NHSL1: variants seen among roughly 807,000 people sequenced by gnomAD.
NHSL1 encodes NHS like 1, also known as NHS-like protein 1.
NHSL1 carries 48 observed loss-of-function variants against 95.0 expected under a neutral mutation model. That is an observed-to-expected ratio of 0.51 (90% CI 0.40 to 0.64). NHSL1 has a LOEUF of 0.64. Ranked by LOEUF, NHSL1 falls within the 30% of genes least tolerant of loss-of-function variation. The probability of loss-of-function intolerance (pLI) is 0.00; values close to 1 mark genes in which losing one functional copy is unlikely to be tolerated. For synonymous variants in NHSL1, 783 were observed against 833.9 expected (o/e 0.94, Z 1.05); for missense variants, 1,971 against 2,077.7 (o/e 0.95, Z 1.00).
chr6:138,660,106 C>T (rs187370416), intron 1 of NHSL1, among the ~76,000 whole-genome samples: 21 of 152,330 alleles, frequency 1.4e-4, no homozygotes, highest in Admixed American at 9.2e-4. Context: ...TGATTCAAAA[C>T]ACTGCATCTC....
intron 1 of NHSL1, among the ~76,000 whole-genome samples, chr6:138,639,105 T>C (rs1039675128): frequency 4.6e-5 from 7 of 152,234 alleles, no homozygotes; most frequent in Admixed American, 4.6e-4. Flanking sequence ...ACAAAATCCA[T>C]AGTATTAGGA....
At chr6:138,641,577 C>G (rs966113968) in intron 1 of NHSL1, among the ~76,000 whole-genome samples, 3 of 143,848 alleles carry the variant, frequency 2.1e-5, no homozygotes, top group Non-Finnish European at 3.0e-5. Context: ...GAGCTGAGAT[C>G]GTGCCACCGC....
chr6:138,654,824 A>C (rs1204899351), intron 1 of NHSL1, among the ~76,000 whole-genome samples: 4 of 152,232 alleles, frequency 2.6e-5, no homozygotes, highest in African/African-American at 4.8e-5. Flanking sequence ...GAGGTGGGGA[A>C]AAGCCAGTTG....
intron 1 of NHSL1, among the ~76,000 whole-genome samples, chr6:138,550,971 C>T (rs374010039): frequency 2.2e-4 from 33 of 152,160 alleles, no homozygotes; most frequent in Non-Finnish European, 3.8e-4. Flanking sequence ...CTCTCTTATC[C>T]GAGGTTTTGC....
intron 3 of NHSL1, among the ~76,000 whole-genome samples, chr6:138,454,206 T>C (rs1460977488): frequency 1.3e-5 from 2 of 152,240 alleles, no homozygotes; most frequent in South Asian, 2.1e-4. Context: ...TGTGTGTGCG[T>C]GCGTGCATAA....
Position 138,429,843 on chromosome 6 carries a change from G to A in NHSL1, c.3953C>T (p.Ala1318Val). The A allele has an allele frequency of 6.5e-7, 1 of 1,550,290 alleles. No homozygotes were observed. Among genetic ancestry groups the A allele is most frequent in the Non-Finnish European group, 8.7e-7 (1 of 1,146,544 alleles). The change falls in exon 7 of 8, where the codon GCT becomes GTT. Residue 1318 changes from alanine (A) to valine (V), a missense_variant and splice_region_variant. Physicochemically the swap from Ala to Val is moderately conservative, Grantham distance 64. Transcript: ENST00000343505. ...GGCTGCGTTGGTCTCCGGCACCCCA[G>A]CTACAGAAGAGCAGGCAGGCATACA... ...ESCLSQQDGA[A>V]GVPETNAAGS...
At chr6:138,598,677 TA>T (rs999470364) in intron 1 of NHSL1, among the ~76,000 whole-genome samples, 1 of 145,050 alleles carries the variant, frequency 6.9e-6, no homozygotes, top group Non-Finnish European at 1.5e-5. Context: ...TAAGAACTAC[TA>T]AAAATATATG....
At position 138,430,412 on chromosome 6, in the gene NHSL1, T is replaced by C. The variant is rs1255944940; in HGVS notation, c.3933A>G (p.Leu1311=). 4 of 1,488,738 alleles carry C rather than the reference T, an allele frequency of 2.7e-6. No individual in the cohort carries two copies. Among genetic ancestry groups the C allele is most frequent in the African/African-American group, 1.4e-5 (1 of 71,426 alleles). The allele number at this position is 1,488,738 out of a possible 1,614,324, so 92.2% of individuals were successfully genotyped here. A position where few individuals can be genotyped will look rare whatever the true frequency, so the allele number is the denominator to read the frequency against. ...ADTGGDGESC[L]SQQDGAAGVP... is the part of the protein sequence containing the mutation. ...ACTCACCTGCTCCGTCCTGTTGAGA[T>C]AGGCAGCTCTCCCCATCGCCCCCAG... Residue 1311 remains leucine, a synonymous_variant, in exon 6 of 8, where the codon CTA becomes CTG. Coordinates refer to ENST00000343505, the MANE Select transcript of NHSL1 (RefSeq NM_001144060.2). This position sits in a 1 kb window ranked among gnomAD's most constrained non-coding sequence, Gnocchi z 4.7.
At chr6:138,650,466 G>T in intron 1 of NHSL1, 1 of 1,025,076 alleles carries the variant, frequency 9.8e-7, no homozygotes, top group Non-Finnish European at 1.5e-6. Flanking sequence ...GCTCCGGATG[G>T]CCAGGGCCTG....
chr6:138,653,869 A>G (rs2114715627), intron 1 of NHSL1, among the ~76,000 whole-genome samples: 1 of 152,310 alleles, frequency 6.6e-6, no homozygotes, highest in African/African-American at 2.4e-5. Context: ...GATACGCTCC[A>G]ATATTTTATA....
intron 2 of NHSL1, among the ~76,000 whole-genome samples, chr6:138,481,994 G>A (rs1300362311): frequency 2.0e-5 from 3 of 152,122 alleles, no homozygotes; most frequent in Non-Finnish European, 4.4e-5. Context: ...ATCTCTTAAT[G>A]GAATCTATAA....
At position 138,559,697 on chromosome 6, in the gene NHSL1, C is replaced by A. The variant is rs748739616; in HGVS notation, c.202+12013G>T. On this transcript the variant is annotated intron_variant, in intron 1 of 6. Coordinates refer to the NHSL1 transcript ENST00000427025. ...TATGTGATACACATGCATAATAACACCCTACTGAAAAAAGTGAAGTCTACC... is the reference window on the plus strand; with the variant it reads ...TATGTGATACACATGCATAATAACAACCTACTGAAAAAAGTGAAGTCTACC... 6.6e-4 allele frequency among the ~76,000 whole-genome samples: 100 copies of A among 152,240 alleles called. 1 individual carries two copies. The highest frequency in any genetic ancestry group is 1.0e-3 in the Non-Finnish European group (71 of 68,024).
At chr6:138,513,337 T>C (rs1290257771) in intron 1 of NHSL1, among the ~76,000 whole-genome samples, 2 of 152,240 alleles carry the variant, frequency 1.3e-5, no homozygotes, top group Non-Finnish European at 2.9e-5. Flanking sequence ...TCCACACATT[T>C]ATGAATAAAC....
chr6:138,452,972 C>T (rs1039538560), intron 3 of NHSL1, among the ~76,000 whole-genome samples: 1 of 152,076 alleles, frequency 6.6e-6, no homozygotes, highest in African/African-American at 2.4e-5. Flanking sequence ...TTTAATTGTT[C>T]ATTCTTTTTT....
chr6:138,432,333 G>A lies in NHSL1; in HGVS notation c.2012C>T (p.Pro671Leu). 6.4e-7 allele frequency: 1 copy of A among 1,551,678 alleles called. No homozygotes were observed. Among genetic ancestry groups the A allele is most frequent in the African/African-American group, 1.4e-5 (1 of 73,140 alleles). Residue 671 changes from proline to leucine, a missense_variant, in exon 6 of 8, where the codon CCT becomes CTT. Transcript: ENST00000343505. The surrounding 1 kb of genome is among the most constrained non-coding windows in gnomAD (Gnocchi z 4.4). ...GTCTGTCCGGGAGGGTGGCAGGGGA[G>A]GCTTCTTTGCTTTCTTCAAAGAGAT... is the stretch of plus-strand genomic sequence containing the variant. Reference protein sequence around the residue: ...RNISLKKAKKPPLPPSRTDSL... With the variant: ...RNISLKKAKKLPLPPSRTDSL...
intron 5 of NHSL1, among the ~76,000 whole-genome samples, chr6:138,435,891 C>T (rs775267065): frequency 1.1e-4 from 17 of 151,948 alleles, no homozygotes; most frequent in South Asian, 2.1e-4. Context: ...AGATCTGTTA[C>T]GGTGATCTGT....
chr6:138,646,922 C>G (rs1431034028), intron 1 of NHSL1, among the ~76,000 whole-genome samples: 1 of 152,324 alleles, frequency 6.6e-6, no homozygotes, highest in Admixed American at 6.5e-5. Context: ...TAAAATGGCA[C>G]ACACTACTGC....
At chr6:138,688,134 T>A (rs1286097158) in intron 1 of NHSL1, among the ~76,000 whole-genome samples, 1 of 152,086 alleles carries the variant, frequency 6.6e-6, no homozygotes, top group Non-Finnish European at 1.5e-5. Flanking sequence ...GTATTTTTAG[T>A]AGAGACAGAG....
intron 1 of NHSL1, among the ~76,000 whole-genome samples, chr6:138,600,241 C>A (rs1784354730): frequency 6.6e-6 from 1 of 151,998 alleles, no homozygotes. Flanking sequence ...TTTTCTTTTT[C>A]TTTTCTTTTC....
Sources: gnomAD v4.1 joint callset for allele counts (sites outside exome capture counted in the v4.1 genomes callset) on GRCh38, gnomAD v4.1.1 for gene constraint, Gnocchi (gnomAD v3.1) non-coding constraint, MANE v1.5 for transcripts, NCBI Gene and HGNC (gene_info 2026-07-23, HGNC 2026-07-21) for gene names.